The following ZC3H7B variants were observed in gnomAD, a reference collection of about 807,000 sequenced individuals.
The protein encoded by ZC3H7B is zinc finger CCCH domain-containing protein 7B.
A neutral mutation model predicts 116.0 loss-of-function variants in ZC3H7B; 35 were observed. That is an observed-to-expected ratio of 0.30 (90% CI 0.23 to 0.40). The LOEUF is 0.40. ZC3H7B is among the 10% of genes least tolerant of loss of function. The pLI is 1.00. For synonymous variants in ZC3H7B, 502 were observed against 545.6 expected (o/e 0.92, Z 1.11); for missense variants, 1,011 against 1,321.5 (o/e 0.77, Z 3.64).
chr22:41,317,706 C>T (rs1008715817), intron 1 of ZC3H7B, among the ~76,000 whole-genome samples: 1 of 152,030 alleles, frequency 6.6e-6, no homozygotes, highest in African/African-American at 2.4e-5. Context: ...ATCAGTTGAG[C>T]CCAGGAGATG....
At chr22:41,320,807 T>G in intron 2 of ZC3H7B, 94 bp downstream of exon 2, 1 of 1,555,108 alleles carries the variant, frequency 6.4e-7, no homozygotes, top group East Asian at 2.3e-5. Context: ...TTCTTGCTGC[T>G]GAGCCTTTGC....
Position 41,351,071 on chromosome 22 carries a change from G to C in ZC3H7B, c.1949-490G>C, listed in dbSNP as rs540683414. Among the ~76,000 whole-genome samples the C allele has an allele frequency of 4.6e-5, 7 of 152,332 alleles. No individual in the cohort carries two copies. In the South Asian group the frequency reaches 1.4e-3, roughly 32 times the overall value. On this transcript the variant is annotated intron_variant, in intron 16 of 22. Coordinates refer to ENST00000352645, the MANE Select transcript of ZC3H7B (RefSeq NM_017590.6). This position sits in a 1 kb window ranked among gnomAD's most constrained non-coding sequence, Gnocchi z 5.1. ...GGAGAGTCCATGCCACCAGGCTGGG[G>C]TATTTGCCCTTTGGGGACTGGCAGT...
At chr22:41,335,436 C>T (rs748854933) in intron 7 of ZC3H7B, 1 of 152,378 alleles carries the variant, frequency 6.6e-6, no homozygotes, top group Non-Finnish European at 1.5e-5. Context: ...AACAGTGAGC[C>T]TGGCAGGCTG....
intron 20 of ZC3H7B, 88 bp from the exon 21 acceptor site, chr22:41,356,255 C>A: frequency 6.3e-7 from 1 of 1,582,170 alleles, no homozygotes; most frequent in Non-Finnish European, 8.6e-7. Flanking sequence ...ACTTGGGACG[C>A]CCACGGCTCC....
Position 41,351,123 on chromosome 22 carries a change from G to A in ZC3H7B, c.1949-438G>A, listed in dbSNP as rs1425934316. Among the ~76,000 whole-genome samples, 4 of 152,186 alleles carry A rather than the reference G, an allele frequency of 2.6e-5. No homozygotes were observed. The highest frequency in any genetic ancestry group is 6.5e-5 in the Admixed American group (1 of 15,276). On this transcript the variant is annotated intron_variant, in intron 16 of 22. Coordinates refer to ENST00000352645, the MANE Select transcript of ZC3H7B (RefSeq NM_017590.6). The surrounding 1 kb of genome is among the most constrained non-coding windows in gnomAD (Gnocchi z 5.1). The stretch of plus-strand genomic sequence containing the variant: ...AAGAGCCGTGGTACCACAGTGAACC[G>A]GTGAGCCAGGCTGGGCAGGCATGGA...
rs542430126 is a variant in ZC3H7B at position 41,316,538 on chromosome 22, C to T, written c.-6-4117C>T. On this transcript the variant is annotated intron_variant, in intron 1 of 22. Coordinates refer to ENST00000352645, the MANE Select transcript of ZC3H7B (RefSeq NM_017590.6). Reference sequence around the variant, plus strand: ...CTCAAACTCCTGACCTCAGGTGATCCACGCACCTTGGCCTCCGAAAGTGCT... The same window carrying T: ...CTCAAACTCCTGACCTCAGGTGATCTACGCACCTTGGCCTCCGAAAGTGCT... Among the ~76,000 whole-genome samples, 57 of 151,056 alleles carry T rather than the reference C, an allele frequency of 3.8e-4. 1 individual carries two copies. The highest frequency in any genetic ancestry group is 1.4e-3 in the African/African-American group (57 of 41,116).
At position 41,355,744 on chromosome 22, in the gene ZC3H7B, C is replaced by A. The variant is rs769892958; in HGVS notation, c.2169-13C>A. The A allele has an allele frequency of 3.0e-5, 48 of 1,613,798 alleles. No homozygotes were observed. Among genetic ancestry groups the A allele is most frequent in the Non-Finnish European group, 1.9e-5 (22 of 1,179,972 alleles). On this transcript the variant is annotated splice_polypyrimidine_tract_variant and intron_variant, in intron 18 of 22. Transcript: ENST00000352645. ...GTGCCCTGACCTCTCCCCAACCCTG[C>A]TCTGTCCTGCAGCTGGACCAAGGAG... is the stretch of plus-strand genomic sequence containing the variant.
chr22:41,314,582 C>T (rs112946307), intron 1 of ZC3H7B, among the ~76,000 whole-genome samples: 17 of 151,486 alleles, frequency 1.1e-4, no homozygotes, highest in South Asian at 4.2e-4. Flanking sequence ...TCACCATGTG[C>T]GGCCCATAAT....
chr22:41,329,189 A>G (rs934513716), intron 5 of ZC3H7B, among the ~76,000 whole-genome samples: 1 of 150,030 alleles, frequency 6.7e-6, no homozygotes, highest in African/African-American at 2.5e-5. Context: ...TGGGTGACTG[A>G]GCAAGACTCC....
In ZC3H7B at chr22:41,351,497, C is replaced by T; in HGVS notation, c.1949-64C>T. On this transcript the variant is annotated intron_variant, in intron 16 of 22. Transcript: ENST00000352645. This position sits in a 1 kb window ranked among gnomAD's most constrained non-coding sequence, Gnocchi z 5.1. Reference sequence around the variant, plus strand: ...TCGGGGGTCCCTGGCACCTCGTGGACCCCCTGCCTCCCTCCTTGCTGAGCA... The same window carrying T: ...TCGGGGGTCCCTGGCACCTCGTGGATCCCCTGCCTCCCTCCTTGCTGAGCA... 2.0e-6 allele frequency: 3 copies of T among 1,486,674 alleles called. No homozygotes were observed. Among genetic ancestry groups the T allele is most frequent in the African/African-American group, 1.4e-5 (1 of 71,934 alleles). 92.1% of individuals were successfully genotyped at this position (1,486,674 alleles called of 1,614,324 possible).
chr22:41,315,116 C>T (rs2036165001), intron 1 of ZC3H7B, among the ~76,000 whole-genome samples: 1 of 151,820 alleles, frequency 6.6e-6, no homozygotes, highest in African/African-American at 2.4e-5. Flanking sequence ...CAGGGTCTCA[C>T]TCAGTTGCCC....
Position 41,330,020 on chromosome 22 carries a change from C to T in ZC3H7B, c.445-3C>T, listed in dbSNP as rs754369285. The T allele has an allele frequency of 2.5e-6, 4 of 1,613,702 alleles. No homozygotes were observed. Among genetic ancestry groups the T allele is most frequent in the East Asian group, 4.5e-5 (2 of 44,874 alleles). On this transcript the variant is annotated splice_polypyrimidine_tract_variant and splice_region_variant and intron_variant, in intron 5 of 22. Coordinates refer to ENST00000352645, the MANE Select transcript of ZC3H7B (RefSeq NM_017590.6). ...CCACCGCCCTGTGTCTTGTCCTCTG[C>T]AGGATGAAAGCGTGACTCAGCTTGG...
rs1018335641 is a variant in ZC3H7B at position 41,337,427 on chromosome 22, C to T, written c.583-886C>T. Among the ~76,000 whole-genome samples the T allele has an allele frequency of 3.3e-5, 5 of 152,164 alleles. No homozygotes were observed. The South Asian group carries it at 1.0e-3, about 32-fold the overall frequency. On this transcript the variant is annotated intron_variant, in intron 7 of 22. Coordinates refer to ENST00000352645, the MANE Select transcript of ZC3H7B (RefSeq NM_017590.6). ...CAAGTCATTTCATCCTGATAGCCTT[C>T]CCCAGCGGTGAGTGAAGCAGGCCCA... is the stretch of plus-strand genomic sequence containing the variant.
intron 1 of ZC3H7B, among the ~76,000 whole-genome samples, chr22:41,304,492 A>C (rs145039374): frequency 2.0e-4 from 30 of 152,328 alleles, no homozygotes; most frequent in African/African-American, 6.7e-4. Context: ...GCAGGTTTGC[A>C]ATTGACTTTG....
intron 17 of ZC3H7B, among the ~76,000 whole-genome samples, chr22:41,353,786 C>G (rs1277430120): frequency 6.6e-6 from 1 of 152,206 alleles, no homozygotes; most frequent in East Asian, 1.9e-4. Context: ...CTTCTTTGTT[C>G]CTGGTCCTCT....
chr22:41,341,395 TTCCCCAGTGTTAGTAGCA>T (rs1164892487), intron 11 of ZC3H7B, among the ~76,000 whole-genome samples: 1 of 152,182 alleles, frequency 6.6e-6, no homozygotes, highest in Non-Finnish European at 1.5e-5. Flanking sequence ...GTGAAGTGAC[TTCCCCAGTGTTAGTAGCA>T]TCCCTGGTCT....
Position 41,302,450 on chromosome 22 carries a change from C to G in ZC3H7B, c.-7+678C>G, listed in dbSNP as rs1164823640. Among the ~76,000 whole-genome samples, 1 of 152,140 alleles carries G rather than the reference C, an allele frequency of 6.6e-6. No individual in the cohort carries two copies. Among genetic ancestry groups the G allele is most frequent in the East Asian group, 1.9e-4 (1 of 5,142 alleles). ...GGTCGCAGGATCAGTCTCTGGACTTCGAGGCCTGTGGGAGGCCCGCGGCCG... is the reference window on the plus strand; with the variant it reads ...GGTCGCAGGATCAGTCTCTGGACTTGGAGGCCTGTGGGAGGCCCGCGGCCG... On this transcript the variant is annotated intron_variant, in intron 1 of 22. Coordinates refer to ENST00000352645, the MANE Select transcript of ZC3H7B (RefSeq NM_017590.6). This position sits in a 1 kb window ranked among gnomAD's most constrained non-coding sequence, Gnocchi z 5.7.
intron 7 of ZC3H7B, chr22:41,332,533 C>CT: frequency 5.5e-6 from 2 of 364,156 alleles, no homozygotes; most frequent in Admixed American, 4.5e-5. Flanking sequence ...GCTGTGTTGC[C>CT]TTTTTTCTCA....
chr22:41,357,496 G>C lies in ZC3H7B; in HGVS notation c.*67G>C. On this transcript the variant is annotated 3_prime_UTR_variant, in exon 23 of 23. Transcript: ENST00000352645. The surrounding 1 kb of genome is among the most constrained non-coding windows in gnomAD (Gnocchi z 5.4). ...TGGGGTGGGGCCAGAAGGCCTGATA[G>C]AAGGGTCAGGGCAGGCCAGGGGGGT... 3.7e-6 allele frequency: 4 copies of C among 1,093,292 alleles called. No homozygotes were observed. Among genetic ancestry groups the C allele is most frequent in the Non-Finnish European group, 5.2e-6 (4 of 763,248 alleles). The allele number at this position is 1,093,292 out of a possible 1,614,324, so 67.7% of individuals were successfully genotyped here.
Sources: gnomAD v4.1 joint callset for allele counts (sites outside exome capture counted in the v4.1 genomes callset) on GRCh38, gnomAD v4.1.1 for gene constraint, Gnocchi (gnomAD v3.1) non-coding constraint, MANE v1.5 for transcripts, NCBI Gene and HGNC (gene_info 2026-07-23, HGNC 2026-07-21) for gene names.